DOCK3: variants seen among roughly 807,000 people sequenced by gnomAD.
The protein encoded by DOCK3 is dedicator of cytokinesis protein 3.
DOCK3 carries 60 observed loss-of-function variants against 265.6 expected under a neutral mutation model. That is an observed-to-expected ratio of 0.23 (90% confidence interval 0.18 to 0.28). The LOEUF (loss-of-function observed/expected upper bound fraction) is 0.28. DOCK3 is among the 10% of genes least tolerant of loss of function. The probability of loss-of-function intolerance (pLI) is 1.00; values close to 1 mark genes in which losing one functional copy is unlikely to be tolerated. For synonymous variants in DOCK3, 881 were observed against 938.0 expected, an observed-to-expected ratio of 0.94 and a Z score of 1.11; for missense variants, 1,981 against 2,594.3, an observed-to-expected ratio of 0.76 and a Z score of 5.14.
chr3:50,686,700 G>A (rs890165567), intron 1 of DOCK3, among the ~76,000 whole-genome samples: 2 of 152,134 alleles, frequency 1.3e-5, no homozygotes, highest in Non-Finnish European at 2.9e-5. Flanking sequence ...CCTGAGGTCA[G>A]GAGTTTGAGA....
chr3:51,277,540 T>C, intron 25 of DOCK3, 68 bp from the exon 26 acceptor site: 1 of 1,480,702 alleles, frequency 6.8e-7, no homozygotes, highest in Non-Finnish European at 9.0e-7. Context: ...GCTGACCTAG[T>C]AAGTGCTGCC....
intron 12 of DOCK3, among the ~76,000 whole-genome samples, chr3:51,203,371 A>G (rs1377478878): frequency 1.3e-5 from 2 of 152,130 alleles, no homozygotes; most frequent in East Asian, 1.9e-4. Context: ...TTATACACCA[A>G]TAACAGACAG....
intron 5 of DOCK3, among the ~76,000 whole-genome samples, chr3:51,052,795 CAG>C (rs1171977136): frequency 2.0e-5 from 3 of 151,968 alleles, no homozygotes; most frequent in African/African-American, 7.2e-5. Flanking sequence ...AATCAAGAGA[CAG>C]AGCTTTCCAT....
At chr3:51,013,225 A>G (rs9758600) in intron 5 of DOCK3, among the ~76,000 whole-genome samples, 137,236 of 152,234 alleles carry the variant, frequency 0.9, 62,054 homozygotes, top group African/African-American at 0.95. Context: ...GAGGAGATGC[A>G]GTGCTCTGGT....
Position 51,090,362 on chromosome 3 carries a change from A to G in DOCK3, c.724A>G (p.Met242Val), listed in dbSNP as rs371384870. 6 of 1,606,948 alleles carry G rather than the reference A, an allele frequency of 3.7e-6. No individual in the cohort carries two copies. In the South Asian group the frequency reaches 4.5e-5, roughly 12 times the overall value. Reference sequence around the variant, plus strand: ...CGATGTCTTCTTTTCCTTATATGACATGAGGGAAGGCAAGCAGATCAGGTG... The same window carrying G: ...CGATGTCTTCTTTTCCTTATATGACGTGAGGGAAGGCAAGCAGATCAGGTG... Reference protein sequence around the residue: ...DTDVFFSLYDMREGKQISERF... With the variant: ...DTDVFFSLYDVREGKQISERF... Residue 242 changes from methionine (M) to valine (V), a missense_variant, in exon 9 of 53, where the codon ATG becomes GTG. Met to Val is a conservative substitution (Grantham distance 21). This residue lies in a region of DOCK3 where 456 missense variants were observed against 539.0 expected (regional missense o/e 0.85). Transcript: ENST00000266037.
chr3:51,178,448 T>A (rs1344499749), intron 12 of DOCK3, among the ~76,000 whole-genome samples: 3 of 152,188 alleles, frequency 2.0e-5, no homozygotes, highest in Non-Finnish European at 4.4e-5. Flanking sequence ...GCTACCCCAT[T>A]AAATTCAGCG....
In DOCK3 at chr3:51,361,714, C is replaced by A; in HGVS notation, c.5007-145C>A. The stretch of plus-strand genomic sequence containing the variant: ...TACAGCTCAGGACTGCTCCAGGCCT[C>A]AGATGGGTATGAGCATTGACTATGG... On this transcript the variant is annotated intron_variant, in intron 47 of 52. Transcript: ENST00000266037. The surrounding 1 kb of genome is among the most constrained non-coding windows in gnomAD (Gnocchi z 4.2). The A allele has an allele frequency of 8.9e-7, 1 of 1,122,760 alleles. No individual in the cohort carries two copies. Among genetic ancestry groups the A allele is most frequent in the Non-Finnish European group, 1.2e-6 (1 of 803,938 alleles). The allele number at this position is 1,122,760 out of a possible 1,614,324, so 69.5% of individuals were successfully genotyped here.
At chr3:51,176,307 A>G (rs2086947652) in intron 12 of DOCK3, among the ~76,000 whole-genome samples, 1 of 152,014 alleles carries the variant, frequency 6.6e-6, no homozygotes, top group South Asian at 2.1e-4. Flanking sequence ...TCCTCCTCCA[A>G]AAAGAATGGC....
At chr3:50,889,335 T>A (rs1348205330) in intron 3 of DOCK3, among the ~76,000 whole-genome samples, 2 of 151,926 alleles carry the variant, frequency 1.3e-5, no homozygotes, top group African/African-American at 4.8e-5. Context: ...TCTCCCACTT[T>A]AGGCTCCTAA....
At chr3:50,885,031 G>A (rs1290130849) in intron 3 of DOCK3, among the ~76,000 whole-genome samples, 1 of 152,130 alleles carries the variant, frequency 6.6e-6, no homozygotes, top group Non-Finnish European at 1.5e-5. Context: ...ATGTCCTTGT[G>A]TGCCACCTGT....
intron 49 of DOCK3, among the ~76,000 whole-genome samples, chr3:51,372,845 T>G (rs2110512358): frequency 6.6e-6 from 1 of 152,348 alleles, no homozygotes; most frequent in East Asian, 1.9e-4. Flanking sequence ...CTTTTTTCAT[T>G]TCTCTTTACA....
intron 9 of DOCK3, among the ~76,000 whole-genome samples, chr3:51,142,501 T>C (rs1025910245): frequency 1.3e-5 from 2 of 152,194 alleles, no homozygotes; most frequent in African/African-American, 4.8e-5. Context: ...CTATGGCCTT[T>C]TTTCATTGAG....
intron 5 of DOCK3, among the ~76,000 whole-genome samples, chr3:50,971,155 T>C (rs1041732604): frequency 6.6e-6 from 1 of 151,078 alleles, no homozygotes; most frequent in African/African-American, 2.4e-5. Flanking sequence ...AAAATCAGTT[T>C]TGAAATCTTT....
intron 1 of DOCK3, among the ~76,000 whole-genome samples, chr3:50,723,079 G>A (rs772289909): frequency 9.2e-5 from 14 of 152,110 alleles, no homozygotes; most frequent in Non-Finnish European, 1.9e-4. Context: ...GGCCTCAGAT[G>A]GAGAATTTCA....
chr3:51,114,762 T>C (rs926757387), intron 9 of DOCK3, among the ~76,000 whole-genome samples: 7 of 152,254 alleles, frequency 4.6e-5, no homozygotes, highest in African/African-American at 1.7e-4. Context: ...CATCAACCTG[T>C]CATTTACATT....
At chr3:51,156,338 G>A (rs1250238373) in intron 10 of DOCK3, among the ~76,000 whole-genome samples, 5 of 152,162 alleles carry the variant, frequency 3.3e-5, no homozygotes, top group African/African-American at 1.2e-4. Context: ...AGTTAAGTAG[G>A]ATTAGAGAGT....
intron 1 of DOCK3, among the ~76,000 whole-genome samples, chr3:50,768,189 A>G (rs1229067935): frequency 9.2e-5 from 14 of 152,142 alleles, no homozygotes; most frequent in African/African-American, 3.4e-4. Context: ...TCCCTGTCCT[A>G]TGCCAGTTTT....
intron 9 of DOCK3, among the ~76,000 whole-genome samples, chr3:51,127,701 C>A (rs2084330061): frequency 6.6e-6 from 1 of 152,212 alleles, no homozygotes; most frequent in South Asian, 2.1e-4. Flanking sequence ...GTGGTCATAG[C>A]TGGTATTGAT....
intron 45 of DOCK3, 29 bp from the exon 46 acceptor site, chr3:51,357,932 C>T (rs774431159): frequency 2.8e-5 from 45 of 1,612,672 alleles, no homozygotes; most frequent in Non-Finnish European, 3.8e-5. Flanking sequence ...TCATGGTTCA[C>T]AGAGTGGCCT....
Sources: allele counts gnomAD v4.1 joint callset (sites outside exome capture counted in the v4.1 genomes callset), GRCh38; gene constraint gnomAD v4.1.1; regional missense constraint gnomAD v4.1.1; non-coding constraint Gnocchi (gnomAD v3.1); transcripts MANE v1.5; gene names NCBI Gene and HGNC (gene_info 2026-07-23, HGNC 2026-07-21).